The following OCLN variants were observed in gnomAD, a reference collection of about 807,000 sequenced individuals.
OCLN encodes phosphatase 1, regulatory subunit 115.
In OCLN, 21 loss-of-function variants were observed where a neutral mutation model predicts 47.9. That is an observed-to-expected ratio of 0.44 (90% CI 0.31 to 0.63). OCLN has a LOEUF of 0.63. Ranked by LOEUF, OCLN falls within the 30% of genes least tolerant of loss-of-function variation. The probability of loss-of-function intolerance (pLI) is 0.08; values close to 1 mark genes in which losing one functional copy is unlikely to be tolerated. For synonymous variants in OCLN, 117 were observed against 198.4 expected, an observed-to-expected ratio of 0.59 and a Z score of 3.45; for missense variants, 360 against 571.0, an observed-to-expected ratio of 0.63 and a Z score of 3.77.
intron 3 of OCLN, among the ~76,000 whole-genome samples, chr5:69,511,677 C>T (rs144268548): frequency 1.3e-5 from 2 of 152,182 alleles, no homozygotes; most frequent in East Asian, 1.9e-4. Flanking sequence ...CCTTCCAAAC[C>T]GCTGGGATTA....
At chr5:69,537,898 G>T (rs1769633041) in intron 5 of OCLN, among the ~76,000 whole-genome samples, 1 of 112,068 alleles carries the variant, frequency 8.9e-6, no homozygotes. Flanking sequence ...GGTCATCAGG[G>T]CCAATAACAC....
chr5:69,512,181 A>G (rs539794087), intron 3 of OCLN, among the ~76,000 whole-genome samples: 6 of 152,180 alleles, frequency 3.9e-5, no homozygotes, highest in Non-Finnish European at 8.8e-5. Flanking sequence ...ATTTTTCTAT[A>G]GTTTCATAAT....
chr5:69,548,903 G>T (rs939295148), intron 7 of OCLN, among the ~76,000 whole-genome samples: 16 of 151,032 alleles, frequency 1.1e-4, no homozygotes, highest in Admixed American at 6.6e-4. Context: ...GGAGGTTGCA[G>T]TGAGCCAAGA....
At chr5:69,511,179 A>G (rs564669024) in intron 3 of OCLN, among the ~76,000 whole-genome samples, 31 of 150,388 alleles carry the variant, frequency 2.1e-4, no homozygotes, top group South Asian at 1.3e-3. Flanking sequence ...GGTTCACACC[A>G]TTCTCCTGCC....
intron 1 of OCLN, among the ~76,000 whole-genome samples, chr5:69,500,102 G>A (rs1768413416): frequency 6.6e-6 from 1 of 152,158 alleles, no homozygotes; most frequent in South Asian, 2.1e-4. Context: ...CAGTGTGTTT[G>A]GTCAGCTGCA....
intron 4 of OCLN, among the ~76,000 whole-genome samples, chr5:69,519,425 T>C (rs1769070088): frequency 6.6e-6 from 1 of 152,204 alleles, no homozygotes; most frequent in African/African-American, 2.4e-5. Context: ...CCCTGTTGGC[T>C]CAACACAGTG....
intron 1 of OCLN, among the ~76,000 whole-genome samples, chr5:69,498,917 G>T (rs1367486631): frequency 6.6e-6 from 1 of 152,110 alleles, no homozygotes; most frequent in Non-Finnish European, 1.5e-5. Flanking sequence ...GACCTCAAGT[G>T]ATCCGCCCGT....
intron 5 of OCLN, among the ~76,000 whole-genome samples, chr5:69,536,223 G>A (rs929389618): frequency 1.3e-5 from 2 of 151,630 alleles, no homozygotes; most frequent in South Asian, 2.1e-4. Flanking sequence ...GGAGTAAGTG[G>A]TGAGTGAATG....
intron 1 of OCLN, among the ~76,000 whole-genome samples, chr5:69,503,972 G>A (rs1768527061): frequency 6.6e-6 from 1 of 152,040 alleles, no homozygotes; most frequent in African/African-American, 2.4e-5. Flanking sequence ...TGGTGGTGCA[G>A]GTCTGTAGTC....
intron 2 of OCLN, 56 bp from the exon 3 acceptor site, chr5:69,509,085 C>T (rs1169489740): frequency 7.0e-7 from 1 of 1,427,366 alleles, no homozygotes; most frequent in East Asian, 2.3e-5. Flanking sequence ...AAGTTGTGTT[C>T]TTTCTGCTTA....
At chr5:69,497,256 T>C (rs977069826) in intron 1 of OCLN, among the ~76,000 whole-genome samples, 4 of 152,130 alleles carry the variant, frequency 2.6e-5, no homozygotes, top group African/African-American at 9.7e-5. Context: ...TTTTTAACCA[T>C]TTCTAGGATA....
chr5:69,501,898 TA>T (rs1768468683), intron 1 of OCLN, among the ~76,000 whole-genome samples: 1 of 151,792 alleles, frequency 6.6e-6, no homozygotes, highest in Non-Finnish European at 1.5e-5. Flanking sequence ...TCCTAAAGGG[TA>T]TAGAAGAGAG....
chr5:69,527,199 C>A (rs1580577461), intron 4 of OCLN, among the ~76,000 whole-genome samples: 1 of 152,174 alleles, frequency 6.6e-6, no homozygotes, highest in East Asian at 1.9e-4. Flanking sequence ...ATTGCTTGAA[C>A]CCAGGAGACG....
chr5:69,520,462 G>A (rs1394297035), intron 4 of OCLN, among the ~76,000 whole-genome samples: 2 of 150,480 alleles, frequency 1.3e-5, no homozygotes, highest in African/African-American at 4.9e-5. Context: ...CACTGTGCCC[G>A]GCTAATTTTT....
Position 69,557,726 on chromosome 5 carries a change from T to G in OCLN, c.*4055T>G, listed in dbSNP as rs944981442. The G allele has an allele frequency of 2.4e-5, 2 of 82,396 alleles. No individual in the cohort carries two copies. The highest frequency in any genetic ancestry group is 7.3e-5 in the Non-Finnish European group (2 of 27,302). The allele number at this position is 82,396 out of a possible 1,614,324, so 5.1% of individuals were successfully genotyped here. ...GCTTTCTGGAATGATTTAGTTTCCC[T>G]GTAAGGGAGCCTGTCTATTGGAATA... On this transcript the variant is annotated 3_prime_UTR_variant, in exon 9 of 9. Transcript: ENST00000396442.
At chr5:69,497,083 T>A (rs1768313137) in intron 1 of OCLN, among the ~76,000 whole-genome samples, 1 of 152,210 alleles carries the variant, frequency 6.6e-6, no homozygotes, top group African/African-American at 2.4e-5. Context: ...CTTAGAAGTC[T>A]TCCAGTCTGG....
chr5:69,504,347 A>C, intron 2 of OCLN, 53 bp downstream of exon 2: 3 of 1,055,174 alleles, frequency 2.8e-6, no homozygotes, highest in Non-Finnish European at 4.4e-6. Context: ...TCACATGTAA[A>C]CAATAAGTAT....
intron 2 of OCLN, among the ~76,000 whole-genome samples, chr5:69,505,691 A>G (rs534896222): frequency 6.6e-6 from 1 of 152,308 alleles, no homozygotes; most frequent in African/African-American, 2.4e-5. Context: ...TTTGAATTCC[A>G]AATTTGCTAT....
intron 4 of OCLN, among the ~76,000 whole-genome samples, chr5:69,529,924 G>A (rs1769384665): frequency 6.6e-6 from 1 of 152,242 alleles, no homozygotes; most frequent in Middle Eastern, 3.4e-3. Flanking sequence ...TTTGATTTGT[G>A]TTTTCATCCT....
Sources: gnomAD v4.1 joint callset for allele counts (sites outside exome capture counted in the v4.1 genomes callset) on GRCh38, gnomAD v4.1.1 for gene constraint, MANE v1.5 for transcripts, NCBI Gene and HGNC (gene_info 2026-07-23, HGNC 2026-07-21) for gene names.